RBFOX2: variants seen among roughly 807,000 people sequenced by gnomAD.
RBFOX2 encodes the protein RNA binding fox-1 homolog 2, also known as RNA binding protein fox-1 homolog 2.
Under a neutral mutation model 49.1 loss-of-function variants are expected in RBFOX2, and 10 were observed. That is an observed-to-expected ratio of 0.20 (90% confidence interval 0.13 to 0.35). The LOEUF (loss-of-function observed/expected upper bound fraction) is 0.35, where lower values mean the gene tolerates loss of function less well. Among genes scored for constraint, RBFOX2 ranks in the 10% least tolerant of loss-of-function variants. The pLI is 1.00. For synonymous variants in RBFOX2, 183 were observed against 187.4 expected, an observed-to-expected ratio of 0.98 and a Z score of 0.19; for missense variants, 323 against 486.9, an observed-to-expected ratio of 0.66 and a Z score of 3.17.
chr22:35,857,148 T>A (rs1381549768), intron 1 of RBFOX2, among the ~76,000 whole-genome samples: 2 of 152,210 alleles, frequency 1.3e-5, no homozygotes, highest in Non-Finnish European at 2.9e-5. Flanking sequence ...GTAGGTTCAC[T>A]ATGGAAGGAC....
intron 1 of RBFOX2, among the ~76,000 whole-genome samples, chr22:35,946,573 C>A (rs1247049569): frequency 2.6e-5 from 4 of 152,162 alleles, no homozygotes; most frequent in African/African-American, 9.7e-5. Context: ...TTCCCAACCC[C>A]CACGTCTATT....
chr22:35,901,995 G>A (rs1467108099), intron 1 of RBFOX2, among the ~76,000 whole-genome samples: 7 of 151,856 alleles, frequency 4.6e-5, no homozygotes, highest in Admixed American at 4.6e-4. Flanking sequence ...CAGGAGAATC[G>A]CTTGAACCCT....
At chr22:35,750,348 C>T in intron 9 of RBFOX2, 2 of 1,031,496 alleles carry the variant, frequency 1.9e-6, no homozygotes, top group Non-Finnish European at 3.0e-6. Flanking sequence ...TTGCTTTTAA[C>T]CATGCACTGA....
At chr22:35,820,209 G>T (rs1026742057) in intron 1 of RBFOX2, among the ~76,000 whole-genome samples, 1 of 152,176 alleles carries the variant, frequency 6.6e-6, no homozygotes, top group African/African-American at 2.4e-5. Context: ...GAAGTGATGT[G>T]GTCAGAATTA....
intron 1 of RBFOX2, among the ~76,000 whole-genome samples, chr22:36,026,935 G>T (rs2059461251): frequency 1.3e-5 from 2 of 152,172 alleles, no homozygotes; most frequent in Admixed American, 1.3e-4. Flanking sequence ...AGCACAGGAA[G>T]TCTTTTAGCA....
chr22:36,013,392 G>A (rs1603466966), intron 1 of RBFOX2, among the ~76,000 whole-genome samples: 3 of 152,100 alleles, frequency 2.0e-5, no homozygotes, highest in South Asian at 2.1e-4. Flanking sequence ...TACCTACTAC[G>A]TGTCAGGCCC....
Position 35,759,724 on chromosome 22 carries a change from G to T in RBFOX2, c.887+164C>A, listed in dbSNP as rs1317146176. ...GACAGTTTGTCACATTCTGATGATG[G>T]TATATTTTGTTTTTTGTCATCTAAT... On this transcript the variant is annotated intron_variant, in intron 9 of 11. Transcript: ENST00000405409. The surrounding 1 kb of genome is among the most constrained non-coding windows in gnomAD (Gnocchi z 4.6). Among the ~76,000 whole-genome samples the T allele has an allele frequency of 1.3e-5, 2 of 152,050 alleles. No individual in the cohort carries two copies. Among genetic ancestry groups the T allele is most frequent in the Non-Finnish European group, 2.9e-5 (2 of 68,008 alleles).
intron 1 of RBFOX2, among the ~76,000 whole-genome samples, chr22:35,848,688 A>C (rs1283382392): frequency 6.6e-6 from 1 of 152,224 alleles, no homozygotes; most frequent in Non-Finnish European, 1.5e-5. Context: ...ATTTGAAAGA[A>C]AAAAATAATT....
chr22:35,959,696 G>A lies in RBFOX2; in HGVS notation c.42+1867C>T, dbSNP rs146656321. The stretch of plus-strand genomic sequence containing the variant: ...TACTCAATAGTTCCCAATCTTGACC[G>A]ATCATTTGAATCACCTGGGAATAAT... On this transcript the variant is annotated intron_variant, in intron 1 of 5. Transcript: ENST00000408983. Among the ~76,000 whole-genome samples the A allele has an allele frequency of 4.1e-3, 617 of 152,242 alleles. 1 individual carries two copies. The highest frequency in any genetic ancestry group is 0.011 in the African/African-American group (475 of 41,556).
At chr22:35,851,355 A>G (rs1387242162) in intron 1 of RBFOX2, among the ~76,000 whole-genome samples, 1 of 152,224 alleles carries the variant, frequency 6.6e-6, no homozygotes, top group Non-Finnish European at 1.5e-5. Flanking sequence ...TTGAACATCT[A>G]TTGCAGACAA....
intron 1 of RBFOX2, among the ~76,000 whole-genome samples, chr22:35,978,889 A>G (rs1000845271): frequency 3.3e-5 from 5 of 152,196 alleles, no homozygotes; most frequent in Non-Finnish European, 7.3e-5. Flanking sequence ...AGAGTAGTCA[A>G]TAGCGCTAAG....
intron 1 of RBFOX2, among the ~76,000 whole-genome samples, chr22:35,865,513 GA>G (rs1317647780): frequency 1.3e-5 from 2 of 152,040 alleles, no homozygotes; most frequent in African/African-American, 4.8e-5. Flanking sequence ...AAAAAGCCTG[GA>G]AAACTAAGTT....
intron 9 of RBFOX2, among the ~76,000 whole-genome samples, chr22:35,755,118 A>G (rs1467368144): frequency 6.6e-6 from 1 of 152,172 alleles, no homozygotes; most frequent in African/African-American, 2.4e-5. Context: ...TTGATTTTGG[A>G]AAGTAAGGGT....
chr22:36,024,169 A>C (rs1345145614), intron 1 of RBFOX2, among the ~76,000 whole-genome samples: 2 of 152,214 alleles, frequency 1.3e-5, no homozygotes, highest in Non-Finnish European at 2.9e-5. Context: ...ATCCTTAACT[A>C]TCTGTAAAAG....
rs529170201 is a variant in RBFOX2 at position 35,914,482 on chromosome 22, G to T, written c.-34+24365C>A. Among the ~76,000 whole-genome samples the T allele has an allele frequency of 1.2e-4, 18 of 152,306 alleles. 1 individual carries two copies. The South Asian group carries it at 3.5e-3, about 30-fold the overall frequency. Reference sequence around the variant, plus strand: ...TTCCAAGGTTGCAATACTAGTTACTGGCAGAATTGGGGCTAAAAGCCAGTT... The same window carrying T: ...TTCCAAGGTTGCAATACTAGTTACTTGCAGAATTGGGGCTAAAAGCCAGTT... On this transcript the variant is annotated intron_variant, in intron 1 of 13. Transcript: ENST00000359369.
upstream of RBFOX2, among the ~76,000 whole-genome samples, chr22:35,844,950 AT>A (rs1298808663): frequency 5.3e-5 from 8 of 151,986 alleles, no homozygotes; most frequent in South Asian, 4.2e-4. Context: ...TTTAAAAAAA[AT>A]TTTTTTTAGG....
At chr22:35,878,733 T>C (rs367668743) in intron 1 of RBFOX2, among the ~76,000 whole-genome samples, 2 of 152,060 alleles carry the variant, frequency 1.3e-5, no homozygotes, top group East Asian at 1.9e-4. Context: ...TAAACCACCA[T>C]GCATGGCCTG....
chr22:35,772,016 A>C (rs1017996059), intron 4 of RBFOX2, among the ~76,000 whole-genome samples: 4 of 152,186 alleles, frequency 2.6e-5, no homozygotes, highest in South Asian at 2.1e-4. Flanking sequence ...TCCTTAGAAC[A>C]GCTTCCAAAT....
chr22:35,977,062 G>C (rs1312498889), intron 1 of RBFOX2, among the ~76,000 whole-genome samples: 2 of 151,798 alleles, frequency 1.3e-5, no homozygotes, highest in Non-Finnish European at 2.9e-5. Flanking sequence ...AGATATGACT[G>C]ACAAATATGC....
Sources: allele counts gnomAD v4.1 joint callset (sites outside exome capture counted in the v4.1 genomes callset), GRCh38; gene constraint gnomAD v4.1.1; non-coding constraint Gnocchi (gnomAD v3.1); transcripts MANE v1.5; gene names NCBI Gene and HGNC (gene_info 2026-07-23, HGNC 2026-07-21).